The following PMPCB variants were observed in gnomAD, a reference collection of about 807,000 sequenced individuals.
PMPCB encodes peptidase, mitochondrial processing subunit beta, also known as mitochondrial-processing peptidase subunit beta.
A neutral mutation model predicts 61.5 loss-of-function variants in PMPCB; 46 were observed. The ratio of observed to expected loss-of-function variants is 0.75; its 90% CI spans 0.59 to 0.96. PMPCB has a LOEUF of 0.96. Among genes scored for constraint, PMPCB ranks in the 40% least tolerant of loss-of-function variants. The pLI, the probability that PMPCB is intolerant of heterozygous loss-of-function variation, is 0.00. For synonymous variants in PMPCB, 191 were observed against 201.6 expected, an observed-to-expected ratio of 0.95 and a Z score of 0.44; for missense variants, 590 against 602.4, an observed-to-expected ratio of 0.98 and a Z score of 0.22.
At chr7:103,326,760 C>A (rs891687317) in intron 12 of PMPCB, 1 of 1,392,480 alleles carries the variant, frequency 7.2e-7, no homozygotes, top group African/African-American at 1.5e-5. Flanking sequence ...GTATTTCCCT[C>A]CTTAAAACAT....
At position 103,312,728 on chromosome 7, in the gene PMPCB, C is replaced by G; in HGVS notation, c.*457C>G. The stretch of plus-strand genomic sequence containing the variant: ...TAGTGTTTGGTGTAAAGAATTCAAG[C>G]AACTAAGATAGATAGTACTAAATAT... On this transcript the variant is annotated 3_prime_UTR_variant, in exon 13 of 13. Transcript: ENST00000249269. The G allele has an allele frequency of 6.3e-7, 1 of 1,577,796 alleles. No homozygotes were observed. Among genetic ancestry groups the G allele is most frequent in the Non-Finnish European group, 8.6e-7 (1 of 1,168,458 alleles).
intron 12 of PMPCB, chr7:103,327,804 T>C (rs757489485): frequency 9.9e-6 from 12 of 1,213,260 alleles, no homozygotes; most frequent in Non-Finnish European, 1.3e-5. Flanking sequence ...GCACCAAAAA[T>C]AAAGATGAGC....
chr7:103,299,020 T>C (rs568356415), intron 2 of PMPCB, among the ~76,000 whole-genome samples: 27 of 152,354 alleles, frequency 1.8e-4, no homozygotes, highest in South Asian at 8.3e-4. Context: ...TGATGTCTTA[T>C]TTGATAAAAA....
intron 9 of PMPCB, chr7:103,310,689 T>G (rs1274459268): frequency 8.0e-6 from 2 of 250,388 alleles, no homozygotes; most frequent in South Asian, 1.7e-4. Flanking sequence ...TTTTTTTTTT[T>G]TTTTTTGAGA....
At chr7:103,327,444 T>C (rs1818765399) in intron 12 of PMPCB, 1 of 763,468 alleles carries the variant, frequency 1.3e-6, no homozygotes, top group Non-Finnish European at 2.1e-6. Context: ...TCTAATAAGC[T>C]GCCAGGTGTT....
intron 1 of PMPCB, chr7:103,297,977 T>A (rs1192408977): frequency 8.5e-7 from 1 of 1,177,792 alleles, no homozygotes; most frequent in Non-Finnish European, 1.1e-6. Flanking sequence ...TGTATTTGCA[T>A]TTTTCTCATG....
In PMPCB at chr7:103,312,972, T is replaced by C. The variant is rs1034884361; in HGVS notation, c.*701T>C. 9.3e-6 allele frequency: 15 copies of C among 1,613,810 alleles called. No homozygotes were observed. The highest frequency in any genetic ancestry group is 1.3e-5 in the Non-Finnish European group (15 of 1,179,920). On this transcript the variant is annotated 3_prime_UTR_variant, in exon 13 of 13. Transcript: ENST00000249269. ...CTTGTATCGTTTCATGCAGTCCTTCTTTGTCCTGCCAGGCACCGCTTCTGC... is the reference window on the plus strand; with the variant it reads ...CTTGTATCGTTTCATGCAGTCCTTCCTTGTCCTGCCAGGCACCGCTTCTGC...
chr7:103,319,466 A>T, downstream of PMPCB: 3 of 903,466 alleles, frequency 3.3e-6, no homozygotes, highest in Admixed American at 5.4e-5. Context: ...CCGAACACAT[A>T]AAACAACAAC....
chr7:103,298,688 T>C lies in PMPCB; in HGVS notation c.220T>C (p.Ser74Pro). The change falls in exon 2 of 13, where the codon TCT (serine) becomes CCT (proline). Residue 74 changes from serine to proline, a missense_variant. Physicochemically the swap from Ser to Pro is moderately conservative, Grantham distance 74. Coordinates refer to ENST00000249269, the MANE Select transcript of PMPCB (RefSeq NM_004279.3). ...TGGACTCAGAGTAGCTTCGGAAGAC[T>C]CTGGGCTCTCAACATGCACAGTAAG... ...ESGLRVASED[S>P]GLSTCTVGLW... 6.2e-7 allele frequency: 1 copy of C among 1,614,132 alleles called. No individual in the cohort carries two copies. The highest frequency in any genetic ancestry group is 8.5e-7 in the Non-Finnish European group (1 of 1,179,994).
chr7:103,312,672 A>G lies in PMPCB; in HGVS notation c.*401A>G. 6.2e-7 allele frequency: 1 copy of G among 1,604,500 alleles called. No homozygotes were observed. The highest frequency in any genetic ancestry group is 1.1e-5 in the South Asian group (1 of 88,748). ...GGAAGGGAGAAAGGTGTGATTTAAGAAGTTGCGATTTAAAAACAGACATTT... is the reference window on the plus strand; with the variant it reads ...GGAAGGGAGAAAGGTGTGATTTAAGGAGTTGCGATTTAAAAACAGACATTT... On this transcript the variant is annotated 3_prime_UTR_variant, in exon 13 of 13. Transcript: ENST00000249269.
rs1373085629 is a variant in PMPCB, at chr7:103,314,465, C to CA, written c.*2195dup. On this transcript the variant is annotated 3_prime_UTR_variant, in exon 13 of 13. Coordinates refer to ENST00000249269, the MANE Select transcript of PMPCB (RefSeq NM_004279.3). ...TTGCCTTCACAGGGTCACCTCTCCT[C>CA]ACAGAAAGCAGACTGGACAAATATC... is the stretch of plus-strand genomic sequence containing the variant. 1.0e-6 allele frequency: 1 copy of CA among 985,288 alleles called. No individual in the cohort carries two copies. The highest frequency in any genetic ancestry group is 1.2e-6 in the Non-Finnish European group (1 of 829,928). 61.0% of individuals were successfully genotyped at this position (985,288 alleles called of 1,614,324 possible). A position where few individuals can be genotyped will look rare whatever the true frequency, so the allele number is the denominator to read the frequency against.
chr7:103,320,394 C>G (rs948268505), intron 12 of PMPCB, among the ~76,000 whole-genome samples: 42 of 152,008 alleles, frequency 2.8e-4, no homozygotes, highest in African/African-American at 9.9e-4. Context: ...CTGTTTTTAA[C>G]TTTTTCTAAA....
chr7:103,332,889 G>A (rs541032056), downstream of PMPCB, among the ~76,000 whole-genome samples: 1 of 152,280 alleles, frequency 6.6e-6, no homozygotes, highest in South Asian at 2.1e-4. Flanking sequence ...CTTCTAAAGT[G>A]CTGGGATCAA....
At chr7:103,344,516 G>C in the PMPCB span, 2 of 1,609,130 alleles carry the variant, frequency 1.2e-6, no homozygotes, top group Non-Finnish European at 1.7e-6. Context: ...CTGAGGCAGG[G>C]GCAGCTGAGG....
intron 6 of PMPCB, among the ~76,000 whole-genome samples, chr7:103,306,020 T>G (rs2115669906): frequency 6.6e-6 from 1 of 152,326 alleles, no homozygotes; most frequent in East Asian, 1.9e-4. Flanking sequence ...GGCTTATAGA[T>G]TAATTAGTAT....
the PMPCB span, among the ~76,000 whole-genome samples, chr7:103,334,752 AG>A: frequency 1.3e-5 from 2 of 152,048 alleles, no homozygotes; most frequent in African/African-American, 4.8e-5. Context: ...CTTGGCCTAT[AG>A]AAATCTTTTC....
chr7:103,314,435 C>T lies in PMPCB; in HGVS notation c.*2164C>T, dbSNP rs1266707266. On this transcript the variant is annotated 3_prime_UTR_variant, in exon 13 of 13. Coordinates refer to ENST00000249269, the MANE Select transcript of PMPCB (RefSeq NM_004279.3). ...ATACCCACATAGCACTACTGCCAGT[C>T]ACTCTTGCCTTCACAGGGTCACCTC... The T allele has an allele frequency of 1.0e-6, 1 of 985,286 alleles. No homozygotes were observed. The highest frequency in any genetic ancestry group is 1.7e-5 in the African/African-American group (1 of 57,224). 61.0% of individuals were successfully genotyped at this position (985,286 alleles called of 1,614,324 possible). A position where few individuals can be genotyped will look rare whatever the true frequency, so the allele number is the denominator to read the frequency against.
the PMPCB span, chr7:103,336,252 C>T: frequency 6.6e-6 from 1 of 152,214 alleles, no homozygotes; most frequent in Admixed American, 6.5e-5. Context: ...AGAAAGAATT[C>T]TTTCACCTTA....
chr7:103,342,648 A>T, the PMPCB span, among the ~76,000 whole-genome samples: 1 of 129,760 alleles, frequency 7.7e-6, no homozygotes, highest in Non-Finnish European at 1.6e-5. Flanking sequence ...TTGCTCTGTC[A>T]CCCAGGCTGG....
Sources: gnomAD v4.1 joint callset for allele counts (sites outside exome capture counted in the v4.1 genomes callset) on GRCh38, gnomAD v4.1.1 for gene constraint, MANE v1.5 for transcripts, NCBI Gene and HGNC (gene_info 2026-07-23, HGNC 2026-07-21) for gene names.